EVC: variants seen among roughly 807,000 people sequenced by gnomAD.
EVC encodes the protein evC complex member EVC.
EVC carries 116 observed loss-of-function variants against 118.9 expected under a neutral mutation model. That is an observed-to-expected ratio of 0.98 (90% CI 0.84 to 1.14). EVC has a LOEUF of 1.14. EVC is among the 50% of genes most tolerant of loss of function. The probability of loss-of-function intolerance (pLI) is 0.00; values close to 1 mark genes in which losing one functional copy is unlikely to be tolerated. For missense variants in EVC, 1,401 were observed against 1,246.4 expected, an observed-to-expected ratio of 1.12 and a Z score of -1.87; for synonymous variants, 619 against 534.7, an observed-to-expected ratio of 1.16 and a Z score of -2.18.
chr4:5,757,821 A>G (rs12500761), intron 11 of EVC, among the ~76,000 whole-genome samples: 25,687 of 152,100 alleles, frequency 0.17, 2,657 homozygotes, highest in Middle Eastern at 0.23. Context: ...GAGCTTCAAC[A>G]TAAGAATTTG....
At position 5,760,623 on chromosome 4, in the gene EVC, G is replaced by A. The variant is rs190423707; in HGVS notation, c.1563+4261G>A. Among the ~76,000 whole-genome samples the A allele has an allele frequency of 4.7e-3, 716 of 152,270 alleles. 10 individuals are homozygous for A. Among genetic ancestry groups the A allele is most frequent in the African/African-American group, 0.016 (683 of 41,506 alleles). On this transcript the variant is annotated intron_variant, in intron 11 of 20. Coordinates refer to ENST00000264956, the MANE Select transcript of EVC (RefSeq NM_153717.3). ...GCTGGAGTGCAATGGTGCGATCTCA[G>A]CTCACTGCAACCTCCGCCTCCTGGG...
Position 5,752,906 on chromosome 4 carries a change from A to G in EVC, c.1169A>G (p.Gln390Arg). The change falls in exon 9 of 21, where the codon CAG becomes CGG. Residue 390 changes from glutamine (Q) to arginine (R), a missense_variant. Gln to Arg is a conservative substitution (Grantham distance 43, BLOSUM62 1). Coordinates refer to ENST00000264956, the MANE Select transcript of EVC (RefSeq NM_153717.3). ...KVIEFLKLQV[Q>R]EETRCRLAAI... ...ATTGAGTTTCTGAAGCTGCAAGTCC[A>G]GGAGGAGACCAGGTGCCGGCTGGCT... The G allele has an allele frequency of 6.2e-7, 1 of 1,614,232 alleles. No individual in the cohort carries two copies. The highest frequency in any genetic ancestry group is 8.5e-7 in the Non-Finnish European group (1 of 1,180,032).
intron 11 of EVC, among the ~76,000 whole-genome samples, chr4:5,778,684 GTTGT>G (rs1735105871): frequency 6.6e-6 from 1 of 152,186 alleles, no homozygotes; most frequent in Non-Finnish European, 1.5e-5. Context: ...TTTTGATGGG[GTTGT>G]TTGTTTTTTT....
intron 17 of EVC, among the ~76,000 whole-genome samples, chr4:5,805,465 G>C (rs1715718080): frequency 1.3e-5 from 2 of 152,160 alleles, no homozygotes; most frequent in South Asian, 4.1e-4. Context: ...CCTGCTGCAG[G>C]GTTTGCACAG....
chr4:5,774,453 T>G (rs1388561927), intron 11 of EVC, among the ~76,000 whole-genome samples: 2 of 151,938 alleles, frequency 1.3e-5, no homozygotes, highest in African/African-American at 4.8e-5. Context: ...ATAAATCCTT[T>G]CTAATCCTCA....
chr4:5,713,289 C>G (rs1723350638), intron 1 of EVC, among the ~76,000 whole-genome samples: 1 of 152,184 alleles, frequency 6.6e-6, no homozygotes, highest in African/African-American at 2.4e-5. Context: ...TCTTTTCCTC[C>G]TGTCTCCTCC....
intron 1 of EVC, among the ~76,000 whole-genome samples, chr4:5,712,397 GA>G (rs1404709309): frequency 6.6e-6 from 1 of 152,218 alleles, no homozygotes; most frequent in Non-Finnish European, 1.5e-5. Context: ...GTGGCTGCCT[GA>G]AGGAGACCAG....
At chr4:5,796,996 C>G (rs200495583) in intron 13 of EVC, 26 bp from the exon 14 acceptor site, 54 of 1,563,874 alleles carry the variant, frequency 3.5e-5, no homozygotes, top group Non-Finnish European at 4.6e-5. Flanking sequence ...AGCATTGACC[C>G]CACCCCTCAC....
chr4:5,749,440 G>A lies in EVC; in HGVS notation c.1098+1134G>A, dbSNP rs1015515623. Among the ~76,000 whole-genome samples the A allele has an allele frequency of 9.2e-5, 14 of 151,984 alleles. No individual in the cohort carries two copies. Among genetic ancestry groups the A allele is most frequent in the African/African-American group, 3.1e-4 (13 of 41,348 alleles). ...CACATTCAAAGGGTTGGACACCCGT[G>A]GGAGAGAAATCTGCGAATCCAGCTT... On this transcript the variant is annotated intron_variant, in intron 8 of 20. Coordinates refer to ENST00000264956, the MANE Select transcript of EVC (RefSeq NM_153717.3). This position sits in a 1 kb window ranked among gnomAD's most constrained non-coding sequence, Gnocchi z 4.4.
At chr4:5,753,260 TG>T (rs1255914404) in intron 9 of EVC, among the ~76,000 whole-genome samples, 1 of 152,212 alleles carries the variant, frequency 6.6e-6, no homozygotes, top group Non-Finnish European at 1.5e-5. Flanking sequence ...TGAGGGCCAC[TG>T]CCCAGGGCAG....
rs201170910 is a variant in EVC at position 5,748,428 on chromosome 4, GA to G, written c.1098+131del. ...GTAGCTGGTTATATAGAGCCTCAGGGAAAAAAAAACCAACAACAACAGTAAA... is the reference window on the plus strand; with the variant it reads ...GTAGCTGGTTATATAGAGCCTCAGGGAAAAAAAACCAACAACAACAGTAAA... On this transcript the variant is annotated intron_variant, in intron 8 of 20. Coordinates refer to ENST00000264956, the MANE Select transcript of EVC (RefSeq NM_153717.3). The G allele has an allele frequency of 0.087, 91,248 of 1,048,614 alleles. 4,603 individuals are homozygous for G. The highest frequency in any genetic ancestry group is 0.099 in the South Asian group (6,330 of 64,220). 65.0% of individuals were successfully genotyped at this position (1,048,614 alleles called of 1,614,324 possible).
At chr4:5,778,751 G>C (rs1364002840) in intron 11 of EVC, among the ~76,000 whole-genome samples, 3 of 152,160 alleles carry the variant, frequency 2.0e-5, no homozygotes, top group Non-Finnish European at 4.4e-5. Flanking sequence ...CCCTTTGTCA[G>C]ATGAGTAGGT....
At chr4:5,817,331 G>T (rs906416221), downstream of EVC, among the ~76,000 whole-genome samples, 1 of 152,162 alleles carries the variant, frequency 6.6e-6, no homozygotes, top group Non-Finnish European at 1.5e-5. Flanking sequence ...CGTCTGATAG[G>T]GAAAGACTTT....
At chr4:5,817,898 T>C (rs1200907220), downstream of EVC, among the ~76,000 whole-genome samples, 1 of 152,212 alleles carries the variant, frequency 6.6e-6, no homozygotes, top group Non-Finnish European at 1.5e-5. Flanking sequence ...TTTACGTAGA[T>C]GAAGGAAAAG....
At position 5,746,880 on chromosome 4, in the gene EVC, T is replaced by C. The variant is rs1433854437; in HGVS notation, c.940-1268T>C. Among the ~76,000 whole-genome samples, 2 of 152,100 alleles carry C rather than the reference T, an allele frequency of 1.3e-5. No individual in the cohort carries two copies. Among genetic ancestry groups the C allele is most frequent in the Non-Finnish European group, 2.9e-5 (2 of 68,030 alleles). ...AAGCAGAGGAGGAATTGGATGGGCT[T>C]TGCAGAAGCAGGAGAAAATCATGTC... On this transcript the variant is annotated intron_variant, in intron 7 of 20. Transcript: ENST00000264956. The surrounding 1 kb of genome is among the most constrained non-coding windows in gnomAD (Gnocchi z 5.8).
chr4:5,821,644 C>A, the EVC span: 1 of 963,904 alleles, frequency 1.0e-6, no homozygotes, highest in African/African-American at 1.6e-5. This position sits in a 1 kb window ranked among gnomAD's most constrained non-coding sequence, Gnocchi z 4.4. Context: ...CATCCTTCGA[C>A]TTCCCCCTCC....
chr4:5,804,892 A>C, intron 17 of EVC, 51 bp downstream of exon 17: 1 of 1,465,034 alleles, frequency 6.8e-7, no homozygotes, highest in Non-Finnish European at 9.5e-7. Context: ...CCCCATTCAC[A>C]TGGCATATCT....
At chr4:5,804,081 A>G (rs547688281) in intron 16 of EVC, among the ~76,000 whole-genome samples, 1 of 152,076 alleles carries the variant, frequency 6.6e-6, no homozygotes, top group South Asian at 2.1e-4. Context: ...GGGATTACAG[A>G]CACATGTCAC....
chr4:5,746,290 C>T lies in EVC; in HGVS notation c.939+949C>T, dbSNP rs1368437468. 1.3e-5 allele frequency among the ~76,000 whole-genome samples: 2 copies of T among 152,190 alleles called. No homozygotes were observed. Among genetic ancestry groups the T allele is most frequent in the Non-Finnish European group, 1.5e-5 (1 of 68,032 alleles). On this transcript the variant is annotated intron_variant, in intron 7 of 20. Transcript: ENST00000264956. This position sits in a 1 kb window ranked among gnomAD's most constrained non-coding sequence, Gnocchi z 5.8. ...CTGAGTGGAGGGTGGTGAAGAGCTACTGGGCTAATCCAGCAGGAACTTTAT... is the reference window on the plus strand; with the variant it reads ...CTGAGTGGAGGGTGGTGAAGAGCTATTGGGCTAATCCAGCAGGAACTTTAT...
Sources: allele counts gnomAD v4.1 joint callset (sites outside exome capture counted in the v4.1 genomes callset), GRCh38; gene constraint gnomAD v4.1.1; non-coding constraint Gnocchi (gnomAD v3.1); transcripts MANE v1.5; gene names NCBI Gene and HGNC (gene_info 2026-07-23, HGNC 2026-07-21).